The following PRKG1 variants were observed in gnomAD, a reference collection of about 807,000 sequenced individuals.
The protein encoded by PRKG1 is cGMP-dependent protein kinase 1.
Under a neutral mutation model 88.1 loss-of-function variants are expected in PRKG1, and 35 were observed. That is an observed-to-expected ratio of 0.40 (90% CI 0.30 to 0.53). The LOEUF (loss-of-function observed/expected upper bound fraction) is 0.53, where lower values mean the gene tolerates loss of function less well. Among genes scored for constraint, PRKG1 ranks in the 20% least tolerant of loss-of-function variants. The pLI, the probability that PRKG1 is intolerant of heterozygous loss-of-function variation, is 0.59. For missense variants in PRKG1, 540 were observed against 839.8 expected (o/e 0.64, Z 4.41); for synonymous variants, 303 against 292.5 (o/e 1.04, Z -0.37).
intron 5 of PRKG1, among the ~76,000 whole-genome samples, chr10:51,957,561 G>A (rs1410289622): frequency 2.0e-5 from 3 of 152,150 alleles, no homozygotes; most frequent in African/African-American, 7.2e-5. Flanking sequence ...CCCAATTGCT[G>A]AGATTATAGG....
intron 3 of PRKG1, among the ~76,000 whole-genome samples, chr10:51,616,331 A>G (rs1188238865): frequency 1.3e-5 from 2 of 152,070 alleles, no homozygotes; most frequent in Non-Finnish European, 2.9e-5. Context: ...CAGCAGTGGG[A>G]TGGGAAGCTG....
chr10:51,139,777 C>T (rs1328128131), intron 1 of PRKG1, among the ~76,000 whole-genome samples: 2 of 152,194 alleles, frequency 1.3e-5, no homozygotes, highest in Admixed American at 6.5e-5. Flanking sequence ...AGCATCCTTT[C>T]TGAGTTTTCC....
intron 8 of PRKG1, among the ~76,000 whole-genome samples, chr10:52,155,425 TAAAC>T (rs1364964108): frequency 1.3e-5 from 2 of 151,892 alleles, no homozygotes; most frequent in African/African-American, 4.8e-5. Context: ...GATAAGCAAA[TAAAC>T]AAAAAAATCG....
chr10:51,121,186 G>A (rs1845251905), intron 1 of PRKG1, among the ~76,000 whole-genome samples: 2 of 152,048 alleles, frequency 1.3e-5, no homozygotes, highest in Admixed American at 6.6e-5. Context: ...GCAATCTTCC[G>A]AGCTCAATGT....
intron 2 of PRKG1, among the ~76,000 whole-genome samples, chr10:51,233,221 C>A (rs1357908531): frequency 6.6e-6 from 1 of 152,168 alleles, no homozygotes; most frequent in African/African-American, 2.4e-5. Flanking sequence ...TCTGAGACCA[C>A]GTTTGACATT....
At chr10:51,336,702 A>C (rs2132539975) in intron 2 of PRKG1, among the ~76,000 whole-genome samples, 1 of 152,308 alleles carries the variant, frequency 6.6e-6, no homozygotes, top group South Asian at 2.1e-4. Context: ...TAGTCACTTG[A>C]GGACAGGAGG....
intron 3 of PRKG1, among the ~76,000 whole-genome samples, chr10:51,640,323 A>T (rs139662607): frequency 5.4e-4 from 83 of 152,338 alleles, no homozygotes; most frequent in African/African-American, 1.9e-3. Context: ...AGGTTTTATG[A>T]TGTCAAGAAT....
intron 3 of PRKG1, among the ~76,000 whole-genome samples, chr10:51,750,960 C>T: frequency 6.6e-6 from 1 of 152,086 alleles, no homozygotes; most frequent in East Asian, 1.9e-4. Context: ...CTTGAGGTGA[C>T]TATTTTTCAT....
intron 3 of PRKG1, among the ~76,000 whole-genome samples, chr10:51,545,794 A>G (rs935917392): frequency 1.3e-5 from 2 of 152,094 alleles, no homozygotes; most frequent in African/African-American, 2.4e-5. Flanking sequence ...GCAATAGGAA[A>G]TCAATGGATA....
intron 1 of PRKG1, among the ~76,000 whole-genome samples, chr10:51,132,595 G>T (rs1486719400): frequency 1.3e-5 from 2 of 150,802 alleles, no homozygotes; most frequent in East Asian, 1.9e-4. Flanking sequence ...AACTCTGTTT[G>T]TCTGATTTAA....
At chr10:51,987,790 C>G (rs772298589) in intron 5 of PRKG1, among the ~76,000 whole-genome samples, 5 of 151,926 alleles carry the variant, frequency 3.3e-5, no homozygotes, top group Non-Finnish European at 5.9e-5. Flanking sequence ...GTACATTTAT[C>G]TATGATTGCA....
chr10:51,068,965 A>G (rs903956546), intron 1 of PRKG1, among the ~76,000 whole-genome samples: 1 of 151,804 alleles, frequency 6.6e-6, no homozygotes, highest in African/African-American at 2.4e-5. Flanking sequence ...ATTTTTCTTG[A>G]TTTTTTTTCT....
chr10:51,817,304 A>T (rs1839611705), intron 4 of PRKG1, among the ~76,000 whole-genome samples: 1 of 150,314 alleles, frequency 6.7e-6, no homozygotes, highest in Non-Finnish European at 1.5e-5. Context: ...CCATCAACCC[A>T]TCATCTAACA....
intron 10 of PRKG1, among the ~76,000 whole-genome samples, chr10:52,253,032 A>C (rs1182665121): frequency 1.3e-5 from 2 of 152,020 alleles, no homozygotes; most frequent in Non-Finnish European, 2.9e-5. Context: ...TGGGACATAC[A>C]GGCAGGAAAG....
intron 3 of PRKG1, among the ~76,000 whole-genome samples, chr10:51,758,140 AATTT>A (rs1406707621): frequency 6.6e-6 from 1 of 152,204 alleles, no homozygotes; most frequent in African/African-American, 2.4e-5. Context: ...TAGAAAAAAA[AATTT>A]AAACTATGTG....
At chr10:51,756,982 G>C (rs1181956487) in intron 3 of PRKG1, among the ~76,000 whole-genome samples, 1 of 152,052 alleles carries the variant, frequency 6.6e-6, no homozygotes, top group Admixed American at 6.6e-5. Flanking sequence ...TTGGCAGGTT[G>C]ATTAGAAGGC....
chr10:51,008,987 T>C (rs1842965498), intron 1 of PRKG1, among the ~76,000 whole-genome samples: 1 of 152,224 alleles, frequency 6.6e-6, no homozygotes, highest in Admixed American at 6.5e-5. Context: ...GGTGGCTCCA[T>C]GAAATGTCAC....
intron 3 of PRKG1, among the ~76,000 whole-genome samples, chr10:51,575,905 GTATT>G (rs1363401333): frequency 6.6e-6 from 1 of 151,736 alleles, no homozygotes; most frequent in Non-Finnish European, 1.5e-5. Flanking sequence ...TATTAAATTT[GTATT>G]TAAACTTAAA....
At chr10:51,347,453 T>C (rs748299339) in intron 2 of PRKG1, among the ~76,000 whole-genome samples, 19 of 152,216 alleles carry the variant, frequency 1.2e-4, no homozygotes, top group African/African-American at 1.9e-4. Flanking sequence ...TACTTTTATA[T>C]AACTTGATCT....
Sources: allele counts gnomAD v4.1 joint callset (sites outside exome capture counted in the v4.1 genomes callset), GRCh38; gene constraint gnomAD v4.1.1; transcripts MANE v1.5; gene names NCBI Gene and HGNC (gene_info 2026-07-23, HGNC 2026-07-21).